Variants in DLC1 observed in about 807,000 individuals in gnomAD.
The protein encoded by DLC1 is rho GTPase-activating protein 7.
A neutral mutation model predicts 140.3 loss-of-function variants in DLC1; 54 were observed. The observed-to-expected ratio is 0.38, with a 90% confidence interval of 0.31 to 0.48. DLC1 has a LOEUF of 0.48. Ranked by LOEUF, DLC1 falls within the 20% of genes least tolerant of loss-of-function variation. The pLI, the probability that DLC1 is intolerant of heterozygous loss-of-function variation, is 0.96. For missense variants in DLC1, 2,536 were observed against 1,907.0 expected (o/e 1.33, Z -6.14); for synonymous variants, 986 against 728.1 (o/e 1.35, Z -5.70).
chr8:13,188,831 A>G (rs1234224386), intron 5 of DLC1, among the ~76,000 whole-genome samples: 28 of 26,302 alleles, frequency 1.1e-3, no homozygotes, highest in African/African-American at 2.8e-3. Flanking sequence ...ATATATGTAT[A>G]TATATATATA....
chr8:13,568,560 C>T (rs1035197584), intron 1 of DLC1, among the ~76,000 whole-genome samples: 1 of 146,400 alleles, frequency 6.8e-6, no homozygotes, highest in Non-Finnish European at 1.5e-5. Flanking sequence ...GAAGTTGAAG[C>T]CGTAGATTGT....
At chr8:13,113,882 C>T (rs1215608308) in intron 6 of DLC1, among the ~76,000 whole-genome samples, 5 of 152,228 alleles carry the variant, frequency 3.3e-5, no homozygotes, top group Non-Finnish European at 4.4e-5. Context: ...CAGAATCCAT[C>T]TTCTTGGAAA....
chr8:13,278,759 A>C (rs1452364984), intron 5 of DLC1, among the ~76,000 whole-genome samples: 1 of 152,192 alleles, frequency 6.6e-6, no homozygotes, highest in South Asian at 2.1e-4. Context: ...ACACCTAAAC[A>C]CAGAAAGGAA....
At chr8:13,277,721 T>G (rs930914879) in intron 5 of DLC1, among the ~76,000 whole-genome samples, 6 of 152,196 alleles carry the variant, frequency 3.9e-5, no homozygotes, top group Admixed American at 1.3e-4. Context: ...AAATCTTACC[T>G]TATAATGCAC....
chr8:13,546,470 A>G (rs1803652077), intron 1 of DLC1, among the ~76,000 whole-genome samples: 1 of 152,188 alleles, frequency 6.6e-6, no homozygotes, highest in Non-Finnish European at 1.5e-5. Flanking sequence ...TCTTTAAAAA[A>G]GCACATTTAT....
chr8:13,085,576 ATT>A lies in DLC1; in HGVS notation c.*233_*234del, dbSNP rs60094700. ...GCAATTTGAATAAGAATACACATAA[ATT>A]TTTTTTTTTTTTTTGCACAGTCTTA... is the stretch of plus-strand genomic sequence containing the variant. On this transcript the variant is annotated 3_prime_UTR_variant, in exon 18 of 18. Transcript: ENST00000276297. 8.1e-3 allele frequency: 2,514 copies of A among 311,766 alleles called. No individual in the cohort carries two copies. Among genetic ancestry groups the A allele is most frequent in the Non-Finnish European group, 9.5e-3 (1,701 of 179,350 alleles). 19.3% of individuals were successfully genotyped at this position (311,766 alleles called of 1,614,324 possible).
chr8:13,396,682 C>A (rs750440754), intron 3 of DLC1, among the ~76,000 whole-genome samples: 4 of 152,104 alleles, frequency 2.6e-5, no homozygotes, highest in Non-Finnish European at 5.9e-5. Context: ...TTTAAAGTAA[C>A]CACCATGATA....
At chr8:13,280,732 C>A (rs1205786444) in intron 5 of DLC1, among the ~76,000 whole-genome samples, 1 of 152,144 alleles carries the variant, frequency 6.6e-6, no homozygotes, top group Non-Finnish European at 1.5e-5. Flanking sequence ...TCATTTAAGA[C>A]TTCTTTGGAC....
At chr8:13,108,425 G>C (rs1819779118) in intron 7 of DLC1, among the ~76,000 whole-genome samples, 1 of 152,158 alleles carries the variant, frequency 6.6e-6, no homozygotes, top group Non-Finnish European at 1.5e-5. Context: ...GCTTCTTCTA[G>C]GCTTTTCTTT....
chr8:13,455,952 C>G (rs545603876), intron 2 of DLC1, among the ~76,000 whole-genome samples: 67 of 152,264 alleles, frequency 4.4e-4, no homozygotes, highest in African/African-American at 1.5e-3. Flanking sequence ...AAAGTTCAGT[C>G]TGAAAGCCCC....
intron 1 of DLC1, among the ~76,000 whole-genome samples, chr8:13,507,425 A>G (rs1484411737): frequency 1.3e-5 from 2 of 152,248 alleles, no homozygotes; most frequent in African/African-American, 2.4e-5. Context: ...GTAAAAAACA[A>G]TTAGTGTTTT....
chr8:13,599,115 G>T (rs1284505608), intron 1 of DLC1, among the ~76,000 whole-genome samples: 1 of 151,662 alleles, frequency 6.6e-6, no homozygotes, highest in Admixed American at 6.6e-5. Context: ...CTAGCATTCT[G>T]ATTGAAAAAA....
chr8:13,374,231 C>T (rs1054477564), intron 4 of DLC1, among the ~76,000 whole-genome samples: 9 of 152,156 alleles, frequency 5.9e-5, no homozygotes, highest in African/African-American at 2.2e-4. Flanking sequence ...TACAGTGGAG[C>T]TCTCCAAATC....
At chr8:13,155,743 A>C (rs980385870) in intron 5 of DLC1, among the ~76,000 whole-genome samples, 1 of 152,172 alleles carries the variant, frequency 6.6e-6, no homozygotes, top group African/African-American at 2.4e-5. Flanking sequence ...TTATTAATGA[A>C]AATGCAATAA....
chr8:13,309,928 A>G (rs1832605158), intron 4 of DLC1, among the ~76,000 whole-genome samples: 1 of 152,120 alleles, frequency 6.6e-6, no homozygotes, highest in African/African-American at 2.4e-5. Context: ...TTTTAGGAAT[A>G]TGTTTTTCTA....
chr8:13,191,626 A>T (rs944879797), intron 5 of DLC1, among the ~76,000 whole-genome samples: 2 of 152,198 alleles, frequency 1.3e-5, no homozygotes, highest in Admixed American at 6.5e-5. Context: ...TTCCCCATAT[A>T]AGCCCAGATG....
intron 2 of DLC1, among the ~76,000 whole-genome samples, chr8:13,437,220 A>T (rs906621607): frequency 6.6e-6 from 1 of 152,198 alleles, no homozygotes; most frequent in Non-Finnish European, 1.5e-5. Flanking sequence ...CTCTTGAATG[A>T]AAACATAAAT....
chr8:13,347,486 T>G (rs1409871967), intron 4 of DLC1, among the ~76,000 whole-genome samples: 2 of 152,180 alleles, frequency 1.3e-5, no homozygotes, highest in Non-Finnish European at 2.9e-5. Context: ...AGGGGCAGGC[T>G]TGGGAATTTA....
intron 4 of DLC1, among the ~76,000 whole-genome samples, chr8:13,337,957 A>G (rs1192558592): frequency 6.6e-6 from 1 of 152,162 alleles, no homozygotes; most frequent in Non-Finnish European, 1.5e-5. Flanking sequence ...TATTCTTTCT[A>G]TCAATACTGA....
Sources: allele counts gnomAD v4.1 joint callset (sites outside exome capture counted in the v4.1 genomes callset), GRCh38; gene constraint gnomAD v4.1.1; transcripts MANE v1.5; gene names NCBI Gene and HGNC (gene_info 2026-07-23, HGNC 2026-07-21).